COP1: variants seen among roughly 807,000 people sequenced by gnomAD.
COP1 encodes E3 ubiquitin-protein ligase COP1.
In COP1, 24 loss-of-function variants were observed where a neutral mutation model predicts 101.3. The ratio of observed to expected loss-of-function variants is 0.24; its 90% CI spans 0.17 to 0.33. COP1 has a LOEUF of 0.33. COP1 is among the 10% of genes least tolerant of loss of function. The pLI, the probability that COP1 is intolerant of heterozygous loss-of-function variation, is 1.00. For synonymous variants in COP1, 347 were observed against 341.9 expected, an observed-to-expected ratio of 1.01 and a Z score of -0.17; for missense variants, 663 against 906.2, an observed-to-expected ratio of 0.73 and a Z score of 3.45.
At chr1:176,202,910 C>A (rs890922729) in intron 1 of COP1, among the ~76,000 whole-genome samples, 1 of 152,110 alleles carries the variant, frequency 6.6e-6, no homozygotes, top group Non-Finnish European at 1.5e-5. Context: ...AAAAGCCATT[C>A]TTCGAATTAA....
chr1:176,173,202 T>C (rs984609721), intron 3 of COP1, among the ~76,000 whole-genome samples: 4 of 150,902 alleles, frequency 2.7e-5, no homozygotes, highest in Non-Finnish European at 2.9e-5. Context: ...TCCCAGCTAC[T>C]AGGGAGGCTG....
chr1:175,999,907 T>C (rs562963618), intron 15 of COP1, among the ~76,000 whole-genome samples: 230 of 152,134 alleles, frequency 1.5e-3, no homozygotes, highest in Non-Finnish European at 2.9e-3. Context: ...ATATGTCTTC[T>C]TTTGAGAAAT....
chr1:176,089,175 C>T (rs1572163895), intron 9 of COP1, among the ~76,000 whole-genome samples: 1 of 151,776 alleles, frequency 6.6e-6, no homozygotes, highest in South Asian at 2.1e-4. Flanking sequence ...GTGGCAGGAC[C>T]CCAGCTACTT....
rs548137963 is a variant in COP1 at position 176,143,396 on chromosome 1, T to TA, written c.831+5609dup. Among the ~76,000 whole-genome samples, 102 of 152,306 alleles carry TA rather than the reference T, an allele frequency of 6.7e-4. 1 individual carries two copies. Among genetic ancestry groups the TA allele is most frequent in the South Asian group, 2.7e-3 (13 of 4,830 alleles). ...AACTTCCCGCAAACAATCACAGGTCTAGACTGCTTCTCCAGTAAGATCTTT... is the reference window on the plus strand; with the variant it reads ...AACTTCCCGCAAACAATCACAGGTCTAAGACTGCTTCTCCAGTAAGATCTTT... On this transcript the variant is annotated intron_variant, in intron 6 of 19. Transcript: ENST00000367669.
intron 11 of COP1, among the ~76,000 whole-genome samples, chr1:176,059,608 G>A (rs1674491821): frequency 6.6e-6 from 1 of 151,838 alleles, no homozygotes; most frequent in Non-Finnish European, 1.5e-5. Flanking sequence ...TCAGCCTCCT[G>A]AGTAGCTGAG....
chr1:176,029,425 T>C (rs1371979534), intron 14 of COP1, among the ~76,000 whole-genome samples: 2 of 152,154 alleles, frequency 1.3e-5, no homozygotes, highest in African/African-American at 4.8e-5. Flanking sequence ...AGAGCAACTA[T>C]CATATCATTT....
At chr1:175,949,190 A>AAAAAAAAAAAAAAAG (rs1558152756) in intron 18 of COP1, among the ~76,000 whole-genome samples, 1 of 146,192 alleles carries the variant, frequency 6.8e-6, no homozygotes, top group Non-Finnish European at 1.5e-5. Context: ...AAAAAAAAAA[A>AAAAAAAAAAAAAAAG]AATGAACATG....
At chr1:176,160,522 C>A (rs1694163669) in intron 5 of COP1, among the ~76,000 whole-genome samples, 1 of 151,960 alleles carries the variant, frequency 6.6e-6, no homozygotes, top group African/African-American at 2.4e-5. Context: ...ATGTACCCAT[C>A]TGACAAAGAT....
chr1:176,119,223 ATC>A (rs1178863806), intron 8 of COP1, among the ~76,000 whole-genome samples: 4 of 152,170 alleles, frequency 2.6e-5, no homozygotes, highest in East Asian at 1.9e-4. Flanking sequence ...TGCATTAAAA[ATC>A]TCTGTTCTTC....
intron 18 of COP1, chr1:175,968,478 G>A (rs1181177350): frequency 1.9e-6 from 1 of 519,112 alleles, no homozygotes; most frequent in African/African-American, 1.9e-5. Context: ...TAGGATCGCT[G>A]CAATCTGTAG....
At chr1:176,002,121 A>G (rs1382547307) in intron 15 of COP1, among the ~76,000 whole-genome samples, 1 of 151,960 alleles carries the variant, frequency 6.6e-6, no homozygotes. Flanking sequence ...GTGTGGATTG[A>G]TGTTTTCCAT....
At chr1:176,020,408 C>CTGGGCA (rs1557938033) in intron 15 of COP1, among the ~76,000 whole-genome samples, 1 of 151,632 alleles carries the variant, frequency 6.6e-6, no homozygotes, top group African/African-American at 2.4e-5. Context: ...CACTGTAAGG[C>CTGGGCA]TGGGCATGGT....
At chr1:176,155,643 A>G (rs916823347) in intron 5 of COP1, among the ~76,000 whole-genome samples, 1 of 151,942 alleles carries the variant, frequency 6.6e-6, no homozygotes, top group East Asian at 1.9e-4. Context: ...AAATAAAATA[A>G]AGAACAGATC....
At chr1:176,150,025 C>T (rs1007024244) in intron 5 of COP1, among the ~76,000 whole-genome samples, 6 of 152,118 alleles carry the variant, frequency 3.9e-5, no homozygotes, top group African/African-American at 1.4e-4. Context: ...TTTGTTAAAA[C>T]AGACACTGGG....
At chr1:175,989,099 T>C (rs1404150110) in intron 16 of COP1, 1 of 280,320 alleles carries the variant, frequency 3.6e-6, no homozygotes, top group Non-Finnish European at 6.7e-6. Context: ...CAATTAAACA[T>C]AGGAGGATGA....
chr1:176,047,707 CA>C (rs1671750472), intron 11 of COP1, among the ~76,000 whole-genome samples: 1 of 152,116 alleles, frequency 6.6e-6, no homozygotes, highest in African/African-American at 2.4e-5. Flanking sequence ...TATCCATTCA[CA>C]GAACAGTTAA....
chr1:176,200,588 G>C (rs1423044225), intron 1 of COP1, among the ~76,000 whole-genome samples: 1 of 152,050 alleles, frequency 6.6e-6, no homozygotes, highest in African/African-American at 2.4e-5. Context: ...ACAGAAATCA[G>C]ATCACCTACT....
intron 1 of COP1, among the ~76,000 whole-genome samples, chr1:176,199,439 C>T (rs1013990990): frequency 2.0e-5 from 3 of 152,058 alleles, no homozygotes; most frequent in Non-Finnish European, 4.4e-5. Flanking sequence ...GATATTTTTA[C>T]CCTAAAAATG....
In COP1 at chr1:176,040,806, G is replaced by A. The variant is rs540679188; in HGVS notation, c.1612+2380C>T. On this transcript the variant is annotated intron_variant, in intron 14 of 19. Coordinates refer to ENST00000367669, the MANE Select transcript of COP1 (RefSeq NM_022457.7). ...CAAAGGGAAAGGCATAACATGATGC[G>A]AAATAAAGCTTCCAATGCTAGAGCT... 1.6e-4 allele frequency among the ~76,000 whole-genome samples: 24 copies of A among 152,166 alleles called. No homozygotes were observed. In the South Asian group the frequency reaches 3.3e-3, roughly 21 times the overall value.
Sources: allele counts gnomAD v4.1 joint callset (sites outside exome capture counted in the v4.1 genomes callset), GRCh38; gene constraint gnomAD v4.1.1; transcripts MANE v1.5; gene names NCBI Gene and HGNC (gene_info 2026-07-23, HGNC 2026-07-21).